NRXN1: variants seen among roughly 807,000 people sequenced by gnomAD.
NRXN1 encodes the protein neurexin-1.
NRXN1 carries 39 observed loss-of-function variants against 150.9 expected under a neutral mutation model. That is an observed-to-expected ratio of 0.26 (90% CI 0.20 to 0.34). The LOEUF (loss-of-function observed/expected upper bound fraction) is 0.34. Among genes scored for constraint, NRXN1 ranks in the 10% least tolerant of loss-of-function variants. The pLI, the probability that NRXN1 is intolerant of heterozygous loss-of-function variation, is 1.00. For synonymous variants in NRXN1, 924 were observed against 757.0 expected (o/e 1.22, Z -3.62); for missense variants, 1,815 against 1,949.9 (o/e 0.93, Z 1.30).
In NRXN1 at chr2:50,515,600, G is replaced by GGTGTGTGTGTGTGT. The variant is rs60612860; in HGVS notation, c.2375-8997_2375-8984dup. On this transcript the variant is annotated intron_variant, in intron 12 of 22. Coordinates refer to ENST00000401669, the MANE Select transcript of NRXN1 (RefSeq NM_001330078.2). The stretch of plus-strand genomic sequence containing the variant: ...ATAGAAACATTCATTAAATGCTTGG[G>GGTGTGTGTGTGTGT]GTGTGTGTGTGTGTGTGTGTGTGTG... Among the ~76,000 whole-genome samples, 591 of 143,498 alleles carry GGTGTGTGTGTGTGT rather than the reference G, an allele frequency of 4.1e-3. 6 individuals carry two copies. Among genetic ancestry groups the GGTGTGTGTGTGTGT allele is most frequent in the African/African-American group, 0.015 (562 of 38,714 alleles). The allele number at this position is 143,498 out of a possible 152,430, so 94.1% of individuals were successfully genotyped here. A position where few individuals can be genotyped will look rare whatever the true frequency, so the allele number is the denominator to read the frequency against.
At chr2:50,327,745 G>T (rs1187728572) in intron 17 of NRXN1, among the ~76,000 whole-genome samples, 2 of 151,426 alleles carry the variant, frequency 1.3e-5, no homozygotes. Flanking sequence ...TGCCTCCCAC[G>T]TTCAAGGGAT....
At chr2:50,879,897 T>C (rs941971361) in intron 5 of NRXN1, among the ~76,000 whole-genome samples, 5 of 151,874 alleles carry the variant, frequency 3.3e-5, no homozygotes, top group Non-Finnish European at 7.4e-5. Flanking sequence ...TTGAGACGTA[T>C]TTGCGGCAGG....
intron 17 of NRXN1, among the ~76,000 whole-genome samples, chr2:50,327,772 C>T (rs1039061133): frequency 6.6e-6 from 1 of 152,078 alleles, no homozygotes; most frequent in East Asian, 1.9e-4. Flanking sequence ...GCTTCAGCCT[C>T]CTGAGTAGCT....
intron 5 of NRXN1, chr2:50,919,968 T>C (rs991008923): frequency 2.2e-5 from 8 of 371,762 alleles, no homozygotes; most frequent in South Asian, 4.1e-5. Context: ...ATAGTCATGA[T>C]TGTATTTCTG....
intron 8 of NRXN1, among the ~76,000 whole-genome samples, chr2:50,553,470 T>C (rs1667809444): frequency 6.6e-6 from 1 of 152,228 alleles, no homozygotes; most frequent in Non-Finnish European, 1.5e-5. Flanking sequence ...GATACCATTA[T>C]ATACCAGTCC....
chr2:50,316,398 G>C (rs2075609778), intron 17 of NRXN1, among the ~76,000 whole-genome samples: 1 of 151,958 alleles, frequency 6.6e-6, no homozygotes, highest in African/African-American at 2.4e-5. Context: ...CATTTAATAG[G>C]GTAGCTCAAA....
intron 5 of NRXN1, among the ~76,000 whole-genome samples, chr2:50,837,768 A>C (rs914349077): frequency 1.3e-5 from 2 of 152,168 alleles, no homozygotes; most frequent in African/African-American, 4.8e-5. Flanking sequence ...AACAGATTTA[A>C]GTGGTTAGAA....
intron 5 of NRXN1, among the ~76,000 whole-genome samples, chr2:50,740,459 G>A (rs997260981): frequency 2.6e-5 from 4 of 152,162 alleles, no homozygotes; most frequent in Non-Finnish European, 5.9e-5. Context: ...GCTGAAGATG[G>A]CAGAGTGAAG....
chr2:50,330,691 A>C (rs1648858712), intron 17 of NRXN1, among the ~76,000 whole-genome samples: 1 of 152,208 alleles, frequency 6.6e-6, no homozygotes, highest in African/African-American at 2.4e-5. Flanking sequence ...TAGCTTAAGA[A>C]AAAGATATTT....
chr2:49,927,350 T>C (rs577340458), intron 22 of NRXN1, among the ~76,000 whole-genome samples: 1 of 152,330 alleles, frequency 6.6e-6, no homozygotes, highest in East Asian at 1.9e-4. Context: ...TTGTGATGCA[T>C]CTGGTGATAT....
At chr2:50,834,777 G>T (rs1202459823) in intron 5 of NRXN1, among the ~76,000 whole-genome samples, 3 of 152,064 alleles carry the variant, frequency 2.0e-5, no homozygotes, top group Admixed American at 2.0e-4. Context: ...GCCCAACCCA[G>T]GTCTGAGTTG....
At chr2:50,211,695 G>C (rs543486179) in intron 18 of NRXN1, among the ~76,000 whole-genome samples, 1 of 151,300 alleles carries the variant, frequency 6.6e-6, no homozygotes, top group Non-Finnish European at 1.5e-5. Context: ...AAAGTTTAGA[G>C]ATAACTAAAA....
chr2:50,613,678 C>G (rs1678557586), intron 8 of NRXN1, among the ~76,000 whole-genome samples: 1 of 152,310 alleles, frequency 6.6e-6, no homozygotes, highest in Middle Eastern at 3.4e-3. Flanking sequence ...GTGGCTCACG[C>G]CTGTAATCCC....
chr2:50,334,462 C>G (rs1283315962), intron 17 of NRXN1, among the ~76,000 whole-genome samples: 2 of 152,104 alleles, frequency 1.3e-5, no homozygotes, highest in East Asian at 3.9e-4. Context: ...CAGAGCTTCT[C>G]TAAAAGCCTA....
rs1316591203 is a variant in NRXN1 at position 50,204,850 on chromosome 2, A to G, written c.3546+31939T>C. On this transcript the variant is annotated intron_variant, in intron 18 of 22. Coordinates refer to ENST00000401669, the MANE Select transcript of NRXN1 (RefSeq NM_001330078.2). ...AAAAAAAATCTGGATTAGTTATCATAAAACAAGAGTTTTAGTTCCAGTTAT... is the reference window on the plus strand; with the variant it reads ...AAAAAAAATCTGGATTAGTTATCATGAAACAAGAGTTTTAGTTCCAGTTAT... Among the ~76,000 whole-genome samples, 4 of 152,084 alleles carry G rather than the reference A, an allele frequency of 2.6e-5. No homozygotes were observed. The East Asian group carries it at 7.7e-4, about 29-fold the overall frequency.
intron 17 of NRXN1, among the ~76,000 whole-genome samples, chr2:50,282,272 A>G (rs1017524041): frequency 6.6e-6 from 1 of 152,180 alleles, no homozygotes; most frequent in African/African-American, 2.4e-5. Context: ...TTTTAAGCCA[A>G]GGAGAGATGT....
intron 8 of NRXN1, among the ~76,000 whole-genome samples, chr2:50,598,465 T>A (rs1353592082): frequency 1.3e-5 from 2 of 151,388 alleles, no homozygotes; most frequent in Non-Finnish European, 2.9e-5. Context: ...TCTTCAAGTT[T>A]AAAGACTAAA....
At chr2:50,302,929 CCA>C in intron 17 of NRXN1, among the ~76,000 whole-genome samples, 1 of 151,920 alleles carries the variant, frequency 6.6e-6, no homozygotes, top group Admixed American at 6.6e-5. Context: ...ATCCATCCAT[CCA>C]TCCATCCACC....
chr2:50,705,262 A>G (rs1694278328), intron 5 of NRXN1, among the ~76,000 whole-genome samples: 1 of 152,138 alleles, frequency 6.6e-6, no homozygotes, highest in Admixed American at 6.6e-5. Flanking sequence ...TTAACTTCCA[A>G]TTCTTTATTC....
Sources: allele counts gnomAD v4.1 joint callset (sites outside exome capture counted in the v4.1 genomes callset), GRCh38; gene constraint gnomAD v4.1.1; transcripts MANE v1.5; gene names NCBI Gene and HGNC (gene_info 2026-07-23, HGNC 2026-07-21).